PSMB2: variants seen among roughly 807,000 people sequenced by gnomAD.
The protein encoded by PSMB2 is proteasome 20S subunit beta 2, also known as proteasome subunit beta type-2.
PSMB2 carries 13 observed loss-of-function variants against 25.7 expected under a neutral mutation model. The ratio of observed to expected loss-of-function variants is 0.51; its 90% CI spans 0.33 to 0.80. The LOEUF (loss-of-function observed/expected upper bound fraction) is 0.80. PSMB2 is among the 30% of genes least tolerant of loss of function. PSMB2 has a pLI of 0.02. For missense variants in PSMB2, 202 were observed against 259.0 expected (o/e 0.78, Z 1.51); for synonymous variants, 87 against 96.2 (o/e 0.90, Z 0.56).
intron 3 of PSMB2, among the ~76,000 whole-genome samples, chr1:35,619,895 A>C (rs998067439): frequency 6.6e-6 from 1 of 152,252 alleles, no homozygotes; most frequent in Non-Finnish European, 1.5e-5. Context: ...ATAACGTCAA[A>C]ATAAAATTGC....
chr1:35,617,284 G>A (rs899973592), intron 3 of PSMB2, among the ~76,000 whole-genome samples: 2 of 152,142 alleles, frequency 1.3e-5, no homozygotes, highest in Non-Finnish European at 2.9e-5. Flanking sequence ...CTGACCTCAA[G>A]TGATCCATCT....
At chr1:35,634,846 G>A (rs1350267905) in intron 2 of PSMB2, among the ~76,000 whole-genome samples, 1 of 151,128 alleles carries the variant, frequency 6.6e-6, no homozygotes, top group Non-Finnish European at 1.5e-5. Context: ...AGAGTACAGT[G>A]GCACAATCAT....
intron 3 of PSMB2, among the ~76,000 whole-genome samples, chr1:35,617,942 G>A (rs1375547524): frequency 1.3e-5 from 2 of 152,140 alleles, no homozygotes; most frequent in Non-Finnish European, 2.9e-5. Context: ...TTGGTGCCAA[G>A]GAACCCTGAT....
intron 3 of PSMB2, among the ~76,000 whole-genome samples, chr1:35,618,387 G>A (rs760134892): frequency 6.6e-6 from 1 of 152,158 alleles, no homozygotes; most frequent in Non-Finnish European, 1.5e-5. Context: ...ACTGAATGAA[G>A]AGCCAGCCAG....
chr1:35,620,463 C>T lies in PSMB2; in HGVS notation c.285+10811G>A, dbSNP rs543121491. Among the ~76,000 whole-genome samples the T allele has an allele frequency of 3.4e-3, 517 of 152,260 alleles. 3 individuals carry two copies. The highest frequency in any genetic ancestry group is 0.012 in the African/African-American group (498 of 41,572). On this transcript the variant is annotated intron_variant, in intron 3 of 5. Coordinates refer to ENST00000373237, the MANE Select transcript of PSMB2 (RefSeq NM_002794.5). ...CCAATCTCATCTGATCATGCTAACA[C>T]CCTCTTAGCCAACAGGCTTCCAGAG...
chr1:35,608,843 T>C (rs935804614), intron 4 of PSMB2, among the ~76,000 whole-genome samples: 3 of 152,140 alleles, frequency 2.0e-5, no homozygotes, highest in Non-Finnish European at 4.4e-5. Context: ...CAAACAAATA[T>C]ACAGCTACTT....
chr1:35,608,871 T>C (rs757941746), intron 4 of PSMB2, among the ~76,000 whole-genome samples: 25 of 152,210 alleles, frequency 1.6e-4, no homozygotes, highest in Non-Finnish European at 3.5e-4. Flanking sequence ...CCACTCATTC[T>C]TTACTGAGAT....
chr1:35,603,887 G>A (rs970480573), intron 5 of PSMB2, among the ~76,000 whole-genome samples: 1 of 151,890 alleles, frequency 6.6e-6, no homozygotes, highest in African/African-American at 2.4e-5. Context: ...AAAATAAAAT[G>A]AGCTGGGCAT....
In PSMB2 at chr1:35,600,409, T is replaced by C. The variant is rs1649955563; in HGVS notation, c.*2858A>G. On this transcript the variant is annotated 3_prime_UTR_variant, in exon 6 of 6. Transcript: ENST00000373237. ...GTTTTGACAAACATACTGTGGTATA[T>C]AGAAGATGTTAACATTACAGAAACT... The C allele has an allele frequency of 9.8e-6, 8 of 818,662 alleles. No individual in the cohort carries two copies. The highest frequency in any genetic ancestry group is 1.1e-4 in the South Asian group (2 of 17,920). The allele number at this position is 818,662 out of a possible 1,614,324, so 50.7% of individuals were successfully genotyped here.
At chr1:35,624,477 G>A (rs540473531) in intron 3 of PSMB2, among the ~76,000 whole-genome samples, 11 of 150,094 alleles carry the variant, frequency 7.3e-5, no homozygotes, top group Non-Finnish European at 1.5e-4. Context: ...ACTTGGCTGG[G>A]TGCAGTGGCT....
chr1:35,627,255 T>A (rs1650892699), intron 3 of PSMB2, among the ~76,000 whole-genome samples: 5 of 88,154 alleles, frequency 5.7e-5, no homozygotes, highest in East Asian at 5.2e-4. Flanking sequence ...CGAGACCCTA[T>A]CTCAAAAAAA....
Position 35,599,592 on chromosome 1 carries a change from G to C in PSMB2, c.*3675C>G. 1 of 985,090 alleles carries C rather than the reference G, an allele frequency of 1.0e-6. No homozygotes were observed. Among genetic ancestry groups the C allele is most frequent in the Non-Finnish European group, 1.2e-6 (1 of 829,616 alleles). 61.0% of individuals were successfully genotyped at this position (985,090 alleles called of 1,614,324 possible). ...GTGTAAAGGAGGGAAAGGAAGTGGG[G>C]AGTTAGGTTCGGAGAGGATTATGGA... On this transcript the variant is annotated 3_prime_UTR_variant, in exon 6 of 6. Coordinates refer to ENST00000373237, the MANE Select transcript of PSMB2 (RefSeq NM_002794.5).
intron 5 of PSMB2, 68 bp downstream of exon 5, chr1:35,605,165 G>A: frequency 6.8e-7 from 1 of 1,470,018 alleles, no homozygotes. Flanking sequence ...ATATAACTGA[G>A]GAACAGGAAC....
intron 3 of PSMB2, among the ~76,000 whole-genome samples, chr1:35,612,671 T>C (rs1266472262): frequency 6.6e-6 from 1 of 152,174 alleles, no homozygotes; most frequent in Non-Finnish European, 1.5e-5. Flanking sequence ...GAATTAATAA[T>C]ACAGTCTTTT....
At chr1:35,603,826 G>T (rs1650079008) in intron 5 of PSMB2, among the ~76,000 whole-genome samples, 1 of 152,116 alleles carries the variant, frequency 6.6e-6, no homozygotes, top group Non-Finnish European at 1.5e-5. Context: ...AATATCTTGA[G>T]CCCAGGAGTT....
rs1367956002 is a variant in PSMB2, at chr1:35,602,110, T to G, written c.*1157A>C. 4.3e-6 allele frequency: 1 copy of G among 232,972 alleles called. No homozygotes were observed. Among genetic ancestry groups the G allele is most frequent in the Non-Finnish European group, 7.0e-6 (1 of 142,134 alleles). 14.4% of individuals were successfully genotyped at this position (232,972 alleles called of 1,614,324 possible). A position where few individuals can be genotyped will look rare whatever the true frequency, so the allele number is the denominator to read the frequency against. On this transcript the variant is annotated 3_prime_UTR_variant, in exon 6 of 6. Coordinates refer to ENST00000373237, the MANE Select transcript of PSMB2 (RefSeq NM_002794.5). The stretch of plus-strand genomic sequence containing the variant: ...CACTGGGAAGCCAAGGCAGGCAGAC[T>G]GCTTGAGCCCAGGAGTTCAAGACCA...
intron 3 of PSMB2, among the ~76,000 whole-genome samples, chr1:35,611,337 T>C (rs984463345): frequency 3.3e-5 from 5 of 152,010 alleles, no homozygotes; most frequent in Admixed American, 6.5e-5. Flanking sequence ...TTTGCTTTTT[T>C]TGGGGGGAGG....
intron 4 of PSMB2, 38 bp downstream of exon 4, chr1:35,609,208 C>T (rs777208508): frequency 4.0e-6 from 6 of 1,484,456 alleles, no homozygotes; most frequent in Non-Finnish European, 4.5e-6. Context: ...GAGGGCAGGG[C>T]TCTGCCACTG....
intron 3 of PSMB2, among the ~76,000 whole-genome samples, chr1:35,629,311 A>C (rs1651013656): frequency 1.3e-5 from 2 of 152,192 alleles, no homozygotes; most frequent in African/African-American, 4.8e-5. Context: ...CCCTGTGGGA[A>C]GGGAATAACA....
Sources: allele counts gnomAD v4.1 joint callset (sites outside exome capture counted in the v4.1 genomes callset), GRCh38; gene constraint gnomAD v4.1.1; transcripts MANE v1.5; gene names NCBI Gene and HGNC (gene_info 2026-07-23, HGNC 2026-07-21).